Variants in ANXA7 observed in about 807,000 individuals in gnomAD.
The protein encoded by ANXA7 is annexin VII.
Under a neutral mutation model 64.9 loss-of-function variants are expected in ANXA7, and 55 were observed. That is an observed-to-expected ratio of 0.85 (90% CI 0.68 to 1.06). The LOEUF (loss-of-function observed/expected upper bound fraction) is 1.06, where lower values mean the gene tolerates loss of function less well. Among genes scored for constraint, ANXA7 ranks in the 50% least tolerant of loss-of-function variants. The pLI is 0.00. For synonymous variants in ANXA7, 200 were observed against 192.4 expected (o/e 1.04, Z -0.33); for missense variants, 548 against 582.1 (o/e 0.94, Z 0.60).
intron 2 of ANXA7, 40 bp from the exon 3 acceptor site, chr10:73,398,425 G>C (rs775410083): frequency 5.9e-5 from 90 of 1,537,574 alleles, no homozygotes; most frequent in Non-Finnish European, 7.3e-5. Context: ...TACGATCATA[G>C]AGAAATATGA....
chr10:73,404,605 C>G lies in ANXA7; in HGVS notation c.-1-3748G>C, dbSNP rs528324128. On this transcript the variant is annotated intron_variant, in intron 1 of 12. Coordinates refer to ENST00000372921, the MANE Select transcript of ANXA7 (RefSeq NM_001156.5). ...AGTCAGGAGTTGATAACTGCTCACGCTGGGTGATGAGTACATGGGGATTCA... is the reference window on the plus strand; with the variant it reads ...AGTCAGGAGTTGATAACTGCTCACGGTGGGTGATGAGTACATGGGGATTCA... Among the ~76,000 whole-genome samples the G allele has an allele frequency of 2.6e-5, 4 of 152,074 alleles. No homozygotes were observed. In the East Asian group the frequency reaches 5.8e-4, roughly 22 times the overall value.
intron 1 of ANXA7, among the ~76,000 whole-genome samples, chr10:73,401,433 G>A (rs757447558): frequency 2.6e-5 from 4 of 152,042 alleles, no homozygotes; most frequent in Non-Finnish European, 5.9e-5. Context: ...TTCCAACTTT[G>A]TCATGCCATA....
intron 9 of ANXA7, among the ~76,000 whole-genome samples, chr10:73,380,434 T>C (rs1261675980): frequency 6.6e-6 from 1 of 152,032 alleles, no homozygotes. Context: ...CATGCCTGGT[T>C]AATTTTTTTA....
chr10:73,387,822 A>C, intron 6 of ANXA7, 39 bp from the exon 7 acceptor site: 3 of 1,322,234 alleles, frequency 2.3e-6, no homozygotes. Flanking sequence ...GACAAAGTAC[A>C]TGCTAGGTGC....
At chr10:73,390,680 T>C (rs968907549) in intron 5 of ANXA7, among the ~76,000 whole-genome samples, 9 of 141,712 alleles carry the variant, frequency 6.4e-5, no homozygotes, top group African/African-American at 2.2e-4. Context: ...TTTTCTGTGA[T>C]TCTCTTTTGT....
intron 12 of ANXA7, among the ~76,000 whole-genome samples, chr10:73,376,839 G>T (rs1348846218): frequency 6.6e-6 from 1 of 151,964 alleles, no homozygotes; most frequent in African/African-American, 2.4e-5. Flanking sequence ...GTCTCAAAAG[G>T]AAGGAAATTC....
chr10:73,412,790 T>C (rs149835326), intron 1 of ANXA7, among the ~76,000 whole-genome samples: 6,579 of 149,236 alleles, frequency 0.044, 457 homozygotes, highest in African/African-American at 0.15. Context: ...GCCACCGCGC[T>C]CGGGCTTTTT....
At chr10:73,398,146 C>G in intron 3 of ANXA7, 35 bp downstream of exon 3, 1 of 1,583,936 alleles carries the variant, frequency 6.3e-7, no homozygotes. Context: ...CTACAGCAAT[C>G]CCAATCATTA....
At chr10:73,412,330 C>T (rs1410712807) in intron 1 of ANXA7, among the ~76,000 whole-genome samples, 1 of 152,086 alleles carries the variant, frequency 6.6e-6, no homozygotes, top group Non-Finnish European at 1.5e-5. Context: ...CCACTGCGCC[C>T]GGCCGAGACT....
At chr10:73,400,458 C>A (rs1046742482) in intron 2 of ANXA7, among the ~76,000 whole-genome samples, 3 of 152,094 alleles carry the variant, frequency 2.0e-5, no homozygotes, top group African/African-American at 7.2e-5. Flanking sequence ...CTGGCTCATA[C>A]AGCAGTTAAC....
chr10:73,402,885 C>T (rs919382018), intron 1 of ANXA7, among the ~76,000 whole-genome samples: 4 of 151,498 alleles, frequency 2.6e-5, no homozygotes, highest in Non-Finnish European at 5.9e-5. Context: ...AGTACAGTGG[C>T]ATAATCTCAA....
At chr10:73,386,937 A>C (rs1186685090) in intron 7 of ANXA7, among the ~76,000 whole-genome samples, 1 of 152,152 alleles carries the variant, frequency 6.6e-6, no homozygotes, top group East Asian at 1.9e-4. Context: ...GGCCTCCCAA[A>C]GTGCTGGGAT....
chr10:73,377,818 G>C (rs992952053), intron 12 of ANXA7, among the ~76,000 whole-genome samples: 3 of 135,440 alleles, frequency 2.2e-5, no homozygotes, highest in Admixed American at 7.3e-5. Flanking sequence ...TGTATAAATA[G>C]GTTTCACCGT....
chr10:73,380,214 AAGGC>A lies in ANXA7; in HGVS notation c.919-17_919-14del. 6.3e-7 allele frequency: 1 copy of A among 1,595,676 alleles called. No individual in the cohort carries two copies. Among genetic ancestry groups the A allele is most frequent in the East Asian group, 2.2e-5 (1 of 44,790 alleles). On this transcript the variant is annotated splice_polypyrimidine_tract_variant and intron_variant, in intron 9 of 12. Transcript: ENST00000372921. The stretch of plus-strand genomic sequence containing the variant: ...CATCACGATTTCCCTGCAAAAGAGA[AAGGC>A]AGGAATTGGAAGAAATAAATAATAG...
At chr10:73,410,493 C>CA (rs2055821788) in intron 1 of ANXA7, among the ~76,000 whole-genome samples, 1 of 151,936 alleles carries the variant, frequency 6.6e-6, no homozygotes, top group Non-Finnish European at 1.5e-5. Flanking sequence ...CTTAAAAAGT[C>CA]AAAAAATGGG....
In ANXA7 at chr10:73,375,420, A is replaced by G. The variant is rs1207447609; in HGVS notation, c.*675T>C. ...TCATTACACAAGGAATGCTGATATC[A>G]AAACACCATATTGTACACCTTAAAT... is the stretch of plus-strand genomic sequence containing the variant. On this transcript the variant is annotated 3_prime_UTR_variant, in exon 13 of 13. Coordinates refer to ENST00000372921, the MANE Select transcript of ANXA7 (RefSeq NM_001156.5). 4 of 152,246 alleles carry G rather than the reference A, an allele frequency of 2.6e-5. No homozygotes were observed. 9.4% of individuals were successfully genotyped at this position (152,246 alleles called of 1,614,324 possible). A position where few individuals can be genotyped will look rare whatever the true frequency, so the allele number is the denominator to read the frequency against.
chr10:73,391,748 TAC>T (rs1447318077), intron 5 of ANXA7, among the ~76,000 whole-genome samples: 1 of 152,172 alleles, frequency 6.6e-6, no homozygotes, highest in Non-Finnish European at 1.5e-5. Context: ...CCTTCCTTGA[TAC>T]ACACAGACAC....
chr10:73,377,765 T>TGGGTGTGG (rs2055199098), intron 12 of ANXA7, among the ~76,000 whole-genome samples: 1 of 126,214 alleles, frequency 7.9e-6, no homozygotes, highest in Non-Finnish European at 1.6e-5. Flanking sequence ...TGCCGGGGGG[T>TGGGTGTGG]GGGTGTGGGT....
intron 1 of ANXA7, among the ~76,000 whole-genome samples, chr10:73,403,118 C>G (rs544251533): frequency 1.3e-5 from 2 of 152,282 alleles, no homozygotes; most frequent in South Asian, 4.1e-4. Flanking sequence ...CCACTGCTCC[C>G]GGCACATACT....
Sources: gnomAD v4.1 joint callset for allele counts (sites outside exome capture counted in the v4.1 genomes callset) on GRCh38, gnomAD v4.1.1 for gene constraint, MANE v1.5 for transcripts, NCBI Gene and HGNC (gene_info 2026-07-23, HGNC 2026-07-21) for gene names.